The following PCDHA4 variants were observed in gnomAD, a reference collection of about 807,000 sequenced individuals.
PCDHA4 encodes the protein protocadherin alpha 4, also known as protocadherin alpha-4.
PCDHA4 carries 49 observed loss-of-function variants against 61.4 expected under a neutral mutation model. That is an observed-to-expected ratio of 0.80 (90% CI 0.63 to 1.01). The LOEUF is 1.01. Ranked by LOEUF, PCDHA4 falls within the 50% of genes least tolerant of loss-of-function variation. PCDHA4 has a pLI of 0.00. For missense variants in PCDHA4, 1,254 were observed against 1,235.8 expected (o/e 1.01, Z -0.22); for synonymous variants, 590 against 550.3 (o/e 1.07, Z -1.01).
intron 1 of PCDHA4, among the ~76,000 whole-genome samples, chr5:140,818,263 T>C (rs1353101049): frequency 2.0e-5 from 3 of 152,220 alleles, no homozygotes; most frequent in Non-Finnish European, 4.4e-5. Context: ...TAAATCACTT[T>C]TTCTCTTTGT....
chr5:140,935,563 C>T (rs1554210554), intron 1 of PCDHA4, among the ~76,000 whole-genome samples: 1 of 152,176 alleles, frequency 6.6e-6, no homozygotes. Context: ...GGAAAAGTTC[C>T]TCTCTGTGTA....
At chr5:140,859,289 A>G (rs2045796105) in intron 1 of PCDHA4, 1 of 129,084 alleles carries the variant, frequency 7.7e-6, no homozygotes, top group African/African-American at 2.7e-5. Context: ...GAGACTGAAA[A>G]TACTTTAGTA....
chr5:140,944,857 A>G (rs1288221644), intron 1 of PCDHA4, among the ~76,000 whole-genome samples: 1 of 152,078 alleles, frequency 6.6e-6, no homozygotes, highest in Non-Finnish European at 1.5e-5. Context: ...AATCATCCTT[A>G]TTTATCTTAA....
intron 1 of PCDHA4, chr5:140,860,876 T>C (rs1451611710): frequency 6.6e-6 from 1 of 152,390 alleles, no homozygotes; most frequent in Non-Finnish European, 1.5e-5. Flanking sequence ...TAGCTGGGAC[T>C]ACAGGTGCCC....
intron 1 of PCDHA4, among the ~76,000 whole-genome samples, chr5:140,820,650 G>T (rs1766799616): frequency 6.6e-6 from 1 of 151,944 alleles, no homozygotes; most frequent in Non-Finnish European, 1.5e-5. Context: ...AGATTAAAAA[G>T]TAATTAAACT....
intron 3 of PCDHA4, among the ~76,000 whole-genome samples, chr5:140,985,739 CT>C (rs11372071): frequency 0.013 from 1,497 of 117,900 alleles, 11 homozygotes; most frequent in African/African-American, 0.038. Flanking sequence ...TGATGAATTC[CT>C]TTTTTTTTTT....
intron 1 of PCDHA4, chr5:140,876,915 C>G: frequency 6.2e-7 from 1 of 1,613,966 alleles, no homozygotes; most frequent in East Asian, 2.2e-5. Flanking sequence ...CGGCATGGGA[C>G]GCGGACGCGC....
At chr5:140,877,443 C>G (rs376417721) in intron 1 of PCDHA4, 15 of 1,613,726 alleles carry the variant, frequency 9.3e-6, no homozygotes, top group African/African-American at 1.3e-5. Context: ...ACGGTGAGCC[C>G]GCGCTGACGT....
intron 2 of PCDHA4, among the ~76,000 whole-genome samples, chr5:140,982,104 G>A (rs1280175443): frequency 6.6e-6 from 1 of 152,256 alleles, no homozygotes; most frequent in Non-Finnish European, 1.5e-5. Flanking sequence ...GAACCTGCAA[G>A]AGAGGCTTGG....
At chr5:140,971,977 G>A (rs891260348) in intron 1 of PCDHA4, among the ~76,000 whole-genome samples, 1 of 152,022 alleles carries the variant, frequency 6.6e-6, no homozygotes, top group Non-Finnish European at 1.5e-5. Context: ...AATACTATGA[G>A]TAGACAGAAG....
At chr5:140,844,618 A>G (rs1230516172) in intron 1 of PCDHA4, among the ~76,000 whole-genome samples, 4 of 149,532 alleles carry the variant, frequency 2.7e-5, no homozygotes, top group African/African-American at 9.8e-5. Context: ...AAATGTTTTC[A>G]TCAGAAAAAC....
chr5:140,988,418 G>T (rs1372180292), intron 3 of PCDHA4, among the ~76,000 whole-genome samples: 2 of 152,150 alleles, frequency 1.3e-5, no homozygotes, highest in Non-Finnish European at 2.9e-5. Context: ...CTTATGTAAA[G>T]AATTTGTTTG....
Position 140,857,323 on chromosome 5 carries a change from C to A in PCDHA4, c.2385+47751C>A, listed in dbSNP as rs782769711. 1.5e-5 allele frequency: 24 copies of A among 1,598,498 alleles called. 1 individual carries two copies. The East Asian group carries it at 5.1e-4, about 34-fold the overall frequency. On this transcript the variant is annotated intron_variant, in intron 1 of 3. Transcript: ENST00000530339. ...TGTCGGCCTATGAGCTGGTGGTGAC[C>A]GCGCGGGACGGGGGCTCGCCTCCGC...
chr5:140,843,436 C>G (rs2150359840), intron 1 of PCDHA4: 2 of 1,596,080 alleles, frequency 1.3e-6, no homozygotes, highest in Non-Finnish European at 8.6e-7. Flanking sequence ...TCGCCATCTG[C>G]GCGGTATCCA....
chr5:140,974,661 G>A (rs542677478), intron 1 of PCDHA4, among the ~76,000 whole-genome samples: 4 of 152,066 alleles, frequency 2.6e-5, no homozygotes, highest in South Asian at 4.2e-4. Context: ...ACAGGCATGC[G>A]CCACCATGCC....
chr5:140,988,864 C>T (rs1017144453), intron 3 of PCDHA4: 2 of 152,190 alleles, frequency 1.3e-5, no homozygotes, highest in Non-Finnish European at 2.9e-5. Flanking sequence ...GTCTCATGTG[C>T]ACTCAGATGT....
At chr5:140,835,601 A>C (rs2150239166) in intron 1 of PCDHA4, 1 of 1,613,906 alleles carries the variant, frequency 6.2e-7, no homozygotes, top group South Asian at 1.1e-5. Flanking sequence ...ATTACTATTC[A>C]TTGGTGCTGG....
intron 1 of PCDHA4, chr5:140,857,784 T>A (rs782611887): frequency 6.3e-7 from 1 of 1,597,680 alleles, no homozygotes; most frequent in South Asian, 1.1e-5. Flanking sequence ...GTCAGTGAGC[T>A]GGTGCTGCGG....
chr5:140,941,214 C>CTTCCTTTCTTTCTTTCTTT (rs1554214039), intron 1 of PCDHA4, among the ~76,000 whole-genome samples: 1 of 122,414 alleles, frequency 8.2e-6, no homozygotes, highest in Non-Finnish European at 1.7e-5. Context: ...TTTCTTTCTT[C>CTTCCTTTCTTTCTTTCTTT]CTTTCTTTCT....
Sources: allele counts gnomAD v4.1 joint callset (sites outside exome capture counted in the v4.1 genomes callset), GRCh38; gene constraint gnomAD v4.1.1; transcripts MANE v1.5; gene names NCBI Gene and HGNC (gene_info 2026-07-23, HGNC 2026-07-21).